PLEKHA2: variants seen among roughly 807,000 people sequenced by gnomAD.
PLEKHA2 encodes pleckstrin homology domain-containing family A member 2.
A neutral mutation model predicts 53.2 loss-of-function variants in PLEKHA2; 28 were observed. The observed-to-expected ratio is 0.53, with a 90% CI of 0.39 to 0.72. The LOEUF (loss-of-function observed/expected upper bound fraction) is 0.72. Ranked by LOEUF, PLEKHA2 falls within the 30% of genes least tolerant of loss-of-function variation. The pLI is 0.00. For missense variants in PLEKHA2, 426 were observed against 537.9 expected (o/e 0.79, Z 2.06); for synonymous variants, 193 against 196.4 (o/e 0.98, Z 0.14).
At chr8:38,953,244 C>A in intron 8 of PLEKHA2, 53 bp from the exon 9 acceptor site, 1 of 1,435,234 alleles carries the variant, frequency 7.0e-7, no homozygotes, top group South Asian at 1.1e-5. Context: ...TGGTCTGGGT[C>A]GTGATATGAC....
intron 5 of PLEKHA2, chr8:38,950,640 T>C (rs921995210): frequency 8.9e-6 from 4 of 449,782 alleles, no homozygotes; most frequent in African/African-American, 4.0e-5. Flanking sequence ...AAGAAATTCC[T>C]GGAGTCAGTT....
intron 6 of PLEKHA2, among the ~76,000 whole-genome samples, chr8:38,951,302 G>A (rs1322960012): frequency 2.6e-5 from 4 of 152,098 alleles, no homozygotes; most frequent in African/African-American, 9.7e-5. Context: ...TGGCAAACAA[G>A]GCTGGAAACC....
At chr8:38,952,341 G>A (rs1348915795) in intron 7 of PLEKHA2, 29 bp downstream of exon 7, 1 of 1,606,668 alleles carries the variant, frequency 6.2e-7, no homozygotes, top group South Asian at 1.1e-5. Context: ...GCTGAATTGG[G>A]GTTCTGGTGA....
Position 38,918,030 on chromosome 8 carries a change from C to T in PLEKHA2, c.101C>T (p.Thr34Ile). 2 of 1,613,404 alleles carry T rather than the reference C, an allele frequency of 1.2e-6. No homozygotes were observed. Among genetic ancestry groups the T allele is most frequent in the Non-Finnish European group, 1.7e-6 (2 of 1,179,614 alleles). ...KFLRRYFILD[T>I]QANCLLWYMD... ...CTGCGGAGGTACTTCATTCTGGACA[C>T]CCAGGCTAACTGCCTCCTCTGGTAT... Residue 34 changes from threonine (T) to isoleucine (I), a missense_variant, in exon 2 of 12, where the codon ACC becomes ATC. Coordinates refer to ENST00000617275, the MANE Select transcript of PLEKHA2 (RefSeq NM_021623.2).
Position 38,970,568 on chromosome 8 carries a change from G to A in PLEKHA2, c.*785G>A, listed in dbSNP as rs753408610. 25 of 170,082 alleles carry A rather than the reference G, an allele frequency of 1.5e-4. No individual in the cohort carries two copies. The highest frequency in any genetic ancestry group is 3.9e-5 in the Non-Finnish European group (3 of 77,300). 10.5% of individuals were successfully genotyped at this position (170,082 alleles called of 1,614,324 possible). A position where few individuals can be genotyped will look rare whatever the true frequency, so the allele number is the denominator to read the frequency against. ...TGCCAGTAGTTTGGGAGGCTGAGGC[G>A]GGTGGATCACCTGAGGTCAGGAGTT... On this transcript the variant is annotated 3_prime_UTR_variant, in exon 12 of 12. Transcript: ENST00000617275.
intron 2 of PLEKHA2, among the ~76,000 whole-genome samples, chr8:38,929,801 C>A (rs1210884831): frequency 1.3e-5 from 2 of 152,174 alleles, no homozygotes; most frequent in African/African-American, 2.4e-5. Context: ...CCCAGTTGAG[C>A]CTTAGAGGAC....
In PLEKHA2 at chr8:38,938,528, G is replaced by A. The variant is rs113009716; in HGVS notation, c.198+2478G>A. Among the ~76,000 whole-genome samples, 57 of 152,356 alleles carry A rather than the reference G, an allele frequency of 3.7e-4. No homozygotes were observed. In the South Asian group the frequency reaches 5.2e-3, roughly 14 times the overall value. ...AGACAGGGTGGGGCTGGCCCTAGCC[G>A]TGCCTGGCCGCTGACGAGCTTGCAG... On this transcript the variant is annotated intron_variant, in intron 3 of 11. Transcript: ENST00000617275.
chr8:38,950,062 T>TC (rs1270646998), intron 5 of PLEKHA2, among the ~76,000 whole-genome samples: 1 of 152,164 alleles, frequency 6.6e-6, no homozygotes, highest in African/African-American at 2.4e-5. Context: ...TGTATTTTTT[T>TC]CGAGACAGGG....
rs537083126 is a variant in PLEKHA2 at position 38,902,319 on chromosome 8, A to G, written c.-24+874A>G. On this transcript the variant is annotated intron_variant, in intron 1 of 11. Transcript: ENST00000617275. ...CCCGCTGCGGCCGGAGCACCCTCAC[A>G]TCTCCTCCCCGGGGCCAGCCCTGCC... Among the ~76,000 whole-genome samples the G allele has an allele frequency of 3.3e-5, 5 of 151,826 alleles. No individual in the cohort carries two copies. The South Asian group carries it at 1.0e-3, about 32-fold the overall frequency.
intron 1 of PLEKHA2, among the ~76,000 whole-genome samples, chr8:38,908,136 G>T (rs896213349): frequency 6.6e-6 from 1 of 152,210 alleles, no homozygotes; most frequent in African/African-American, 2.4e-5. Flanking sequence ...TACAGCTCAT[G>T]TGTTGTAGGA....
In PLEKHA2 at chr8:38,928,236, C is replaced by CTTT. The variant is rs11414317; in HGVS notation, c.142-7740_142-7738dup. On this transcript the variant is annotated intron_variant, in intron 2 of 11. Transcript: ENST00000617275. ...CTGAAGCCCAGGCCTCTGACCTGGT[C>CTTT]TTTTTTTTTTTTTTTTTTTTCTTTT... is the stretch of plus-strand genomic sequence containing the variant. Among the ~76,000 whole-genome samples the CTTT allele has an allele frequency of 1.4e-3, 157 of 110,136 alleles. 6 individuals carry two copies. The highest frequency in any genetic ancestry group is 1.6e-3 in the Non-Finnish European group (91 of 56,942). 72.3% of individuals were successfully genotyped at this position (110,136 alleles called of 152,430 possible). A position where few individuals can be genotyped will look rare whatever the true frequency, so the allele number is the denominator to read the frequency against.
chr8:38,959,058 G>C (rs1013118137), intron 10 of PLEKHA2, among the ~76,000 whole-genome samples: 3 of 152,156 alleles, frequency 2.0e-5, no homozygotes. Context: ...GAGGTCAAGT[G>C]ATCCTAGCAG....
intron 3 of PLEKHA2, among the ~76,000 whole-genome samples, chr8:38,943,584 G>A (rs1834651918): frequency 1.3e-5 from 2 of 152,028 alleles, no homozygotes; most frequent in South Asian, 2.1e-4. Context: ...GTCAGGGAGG[G>A]GCACACAGGG....
Position 38,970,095 on chromosome 8 carries a change from G to T in PLEKHA2, c.*312G>T. 1 of 469,992 alleles carries T rather than the reference G, an allele frequency of 2.1e-6. No individual in the cohort carries two copies. Among genetic ancestry groups the T allele is most frequent in the Non-Finnish European group, 3.7e-6 (1 of 271,772 alleles). The allele number at this position is 469,992 out of a possible 1,614,324, so 29.1% of individuals were successfully genotyped here. A position where few individuals can be genotyped will look rare whatever the true frequency, so the allele number is the denominator to read the frequency against. ...CTATTCTGAGGTCTTCCTGGAGAGG[G>T]ATTGTTTTAGCAGCTCCTCTCCAGA... On this transcript the variant is annotated 3_prime_UTR_variant, in exon 12 of 12. Transcript: ENST00000617275.
chr8:38,954,173 G>A (rs778044942), intron 9 of PLEKHA2, among the ~76,000 whole-genome samples: 23 of 152,148 alleles, frequency 1.5e-4, no homozygotes, highest in East Asian at 3.9e-4. Context: ...ACAGCAGGCC[G>A]ACTCTTCTCC....
chr8:38,902,988 G>A lies in PLEKHA2; in HGVS notation c.-24+1543G>A, dbSNP rs548314862. Among the ~76,000 whole-genome samples, 3 of 152,194 alleles carry A rather than the reference G, an allele frequency of 2.0e-5. No individual in the cohort carries two copies. The South Asian group carries it at 6.2e-4, about 31-fold the overall frequency. ...TGACTTTTGCACTATCAGAGGTCTAGCTTGTAGTCTAGATTATGGCCAGCC... is the reference window on the plus strand; with the variant it reads ...TGACTTTTGCACTATCAGAGGTCTAACTTGTAGTCTAGATTATGGCCAGCC... On this transcript the variant is annotated intron_variant, in intron 1 of 11. Transcript: ENST00000617275.
intron 1 of PLEKHA2, among the ~76,000 whole-genome samples, chr8:38,902,978 C>CAGAG (rs1282550108): frequency 6.6e-6 from 1 of 152,208 alleles, no homozygotes; most frequent in East Asian, 1.9e-4. Flanking sequence ...TTTGCACTAT[C>CAGAG]AGAGGTCTAG....
intron 2 of PLEKHA2, among the ~76,000 whole-genome samples, chr8:38,931,949 TG>T (rs992197664): frequency 9.9e-5 from 15 of 152,126 alleles, no homozygotes; most frequent in Non-Finnish European, 2.2e-4. Flanking sequence ...AGTGTTCTGG[TG>T]GGGGGAAGCT....
At chr8:38,928,298 G>C (rs1564120133) in intron 2 of PLEKHA2, among the ~76,000 whole-genome samples, 1 of 147,606 alleles carries the variant, frequency 6.8e-6, no homozygotes, top group Non-Finnish European at 1.5e-5. Flanking sequence ...ACCCAGGCTG[G>C]AGTGCAGTGG....
Sources: gnomAD v4.1 joint callset for allele counts (sites outside exome capture counted in the v4.1 genomes callset) on GRCh38, gnomAD v4.1.1 for gene constraint, MANE v1.5 for transcripts, NCBI Gene and HGNC (gene_info 2026-07-23, HGNC 2026-07-21) for gene names.